UPRT: variants seen among roughly 807,000 people sequenced by gnomAD.
UPRT encodes uracil phosphoribosyltransferase homolog.
A neutral mutation model predicts 22.6 loss-of-function variants in UPRT; 5 were observed. The observed-to-expected ratio is 0.22, with a 90% CI of 0.12 to 0.47. The LOEUF (loss-of-function observed/expected upper bound fraction) is 0.47. Among genes scored for constraint, UPRT ranks in the 20% least tolerant of loss-of-function variants. The pLI is 0.99. For missense variants in UPRT, 181 were observed against 239.9 expected, an observed-to-expected ratio of 0.75 and a Z score of 1.62; for synonymous variants, 77 against 87.7, an observed-to-expected ratio of 0.88 and a Z score of 0.68.
intron 4 of UPRT, among the ~76,000 whole-genome samples, chrX:75,254,727 T>C (rs182512013): frequency 2.2e-3 from 234 of 108,089 alleles, no homozygotes; most frequent in Non-Finnish European, 3.7e-3. Context: ...CACATTTTCA[T>C]CAGGTTATAT....
chrX:75,282,449 G>C (rs1484261393), intron 1 of UPRT, among the ~76,000 whole-genome samples: 4 of 110,641 alleles, frequency 3.6e-5, no homozygotes, highest in African/African-American at 1.3e-4. Flanking sequence ...CAGAGGTTTT[G>C]GGAGGTTGTG....
chrX:75,244,783 T>A (rs1409128938), intron 4 of UPRT, among the ~76,000 whole-genome samples: 1 of 110,882 alleles, frequency 9.0e-6, no homozygotes, highest in Non-Finnish European at 1.9e-5. Flanking sequence ...AAAAAAGGAT[T>A]AAAGACTTAA....
At chrX:75,161,245 A>C (rs914208724) in intron 2 of UPRT, among the ~76,000 whole-genome samples, 5 of 112,780 alleles carry the variant, frequency 4.4e-5, no homozygotes, top group African/African-American at 9.7e-5. Flanking sequence ...TCTCCACCTT[A>C]CAAATGAGGA....
chrX:75,233,966 C>T (rs1195643849), intron 4 of UPRT, among the ~76,000 whole-genome samples: 32 of 111,053 alleles, frequency 2.9e-4, no homozygotes, highest in African/African-American at 1.0e-3. Context: ...GGACTAAATG[C>T]TCCAATTAAA....
chrX:75,229,587 C>A (rs368575333), intron 4 of UPRT, among the ~76,000 whole-genome samples: 1 of 111,929 alleles, frequency 8.9e-6, no homozygotes, highest in Admixed American at 9.5e-5. Context: ...GAACATCCAT[C>A]CCTACTGGGG....
upstream of UPRT, among the ~76,000 whole-genome samples, chrX:75,273,873 C>T (rs2082619771): frequency 9.0e-6 from 1 of 111,643 alleles, no homozygotes. Context: ...TACTAATCAC[C>T]CAAAGTTCTG....
chrX:75,218,265 C>T (rs1188731034), intron 4 of UPRT, among the ~76,000 whole-genome samples: 1 of 111,114 alleles, frequency 9.0e-6, no homozygotes, highest in African/African-American at 3.3e-5. Context: ...GACATTTATG[C>T]AGCCAAAAAA....
At chrX:75,246,395 A>G (rs1290641755) in intron 4 of UPRT, among the ~76,000 whole-genome samples, 3 of 108,376 alleles carry the variant, frequency 2.8e-5, no homozygotes, top group Non-Finnish European at 3.8e-5. Context: ...GAGAATGATG[A>G]TTTCCAGCTT....
intron 4 of UPRT, among the ~76,000 whole-genome samples, chrX:75,240,291 A>G (rs1053435614): frequency 9.0e-6 from 1 of 111,275 alleles, no homozygotes; most frequent in African/African-American, 3.3e-5. Flanking sequence ...TAGCACTGCT[A>G]TACACCAGCA....
intron 4 of UPRT, among the ~76,000 whole-genome samples, chrX:75,265,039 C>T (rs1000902197): frequency 8.9e-6 from 1 of 111,931 alleles, no homozygotes; most frequent in East Asian, 2.8e-4. Flanking sequence ...GAGTTTCTGC[C>T]AAGAGATCAG....
At chrX:75,227,121 T>C (rs1454786495) in intron 4 of UPRT, among the ~76,000 whole-genome samples, 3 of 111,447 alleles carry the variant, frequency 2.7e-5, no homozygotes, top group Non-Finnish European at 5.6e-5. Context: ...CTTTAGGTAT[T>C]TGATATGTAA....
chrX:75,206,478 T>C (rs1382298215), intron 4 of UPRT, among the ~76,000 whole-genome samples: 1 of 110,666 alleles, frequency 9.0e-6, no homozygotes, highest in Non-Finnish European at 1.9e-5. Flanking sequence ...TTTTAAGAGC[T>C]GGAGTAGGGG....
At chrX:75,168,419 T>A (rs1447382595) in intron 4 of UPRT, among the ~76,000 whole-genome samples, 1 of 110,474 alleles carries the variant, frequency 9.1e-6, no homozygotes, top group Non-Finnish European at 1.9e-5. Context: ...TTTTCTTTTT[T>A]TGGGTGGGGG....
intron 4 of UPRT, among the ~76,000 whole-genome samples, chrX:75,239,426 A>G (rs1447064972): frequency 9.0e-5 from 10 of 111,282 alleles, no homozygotes; most frequent in African/African-American, 2.0e-4. Context: ...GAATATACCA[A>G]TAATAAGTAG....
At chrX:75,185,431 T>C (rs2082286522) in intron 4 of UPRT, among the ~76,000 whole-genome samples, 1 of 112,249 alleles carries the variant, frequency 8.9e-6, no homozygotes, top group African/African-American at 3.2e-5. Flanking sequence ...GCCAGTATTT[T>C]ATTGAGGATT....
chrX:75,300,412 T>C (rs1343871552), intron 5 of UPRT, among the ~76,000 whole-genome samples: 1 of 112,035 alleles, frequency 8.9e-6, no homozygotes, highest in African/African-American at 3.2e-5. Flanking sequence ...ATGTTCATTA[T>C]TGAAGATAGC....
intron 4 of UPRT, among the ~76,000 whole-genome samples, chrX:75,251,847 C>G (rs2082531372): frequency 9.0e-6 from 1 of 111,208 alleles, no homozygotes; most frequent in South Asian, 3.8e-4. Context: ...CAGCATGGTA[C>G]TGGTACCAAA....
At chrX:75,249,240 TC>T (rs1255552388) in intron 4 of UPRT, among the ~76,000 whole-genome samples, 5 of 111,501 alleles carry the variant, frequency 4.5e-5, no homozygotes, top group African/African-American at 1.6e-4. Flanking sequence ...GGCTAAATGC[TC>T]CAATTAAAAT....
chrX:75,258,280 A>C (rs1476826535), intron 4 of UPRT, among the ~76,000 whole-genome samples: 8 of 91,121 alleles, frequency 8.8e-5, no homozygotes, highest in Non-Finnish European at 1.7e-4. Flanking sequence ...AGGACCATTC[A>C]CTCCCCTGGA....
Sources: allele counts gnomAD v4.1 joint callset (sites outside exome capture counted in the v4.1 genomes callset), GRCh38; gene constraint gnomAD v4.1.1; transcripts MANE v1.5; gene names NCBI Gene and HGNC (gene_info 2026-07-23, HGNC 2026-07-21).